ZNF516: variants seen among roughly 807,000 people sequenced by gnomAD.
ZNF516 encodes zinc finger protein 516.
A neutral mutation model predicts 79.7 loss-of-function variants in ZNF516; 19 were observed. The observed-to-expected ratio is 0.24, with a 90% confidence interval of 0.17 to 0.35. The LOEUF (loss-of-function observed/expected upper bound fraction) is 0.35, where lower values mean the gene tolerates loss of function less well. ZNF516 is among the 10% of genes least tolerant of loss of function. The pLI, the probability that ZNF516 is intolerant of heterozygous loss-of-function variation, is 1.00. For missense variants in ZNF516, 1,678 were observed against 1,679.5 expected (o/e 1.00, Z 0.02); for synonymous variants, 877 against 739.5 (o/e 1.19, Z -3.02).
intron 3 of ZNF516, among the ~76,000 whole-genome samples, chr18:76,396,810 G>A (rs1302284255): frequency 2.0e-5 from 3 of 152,306 alleles, no homozygotes; most frequent in Middle Eastern, 3.4e-3. Context: ...GTGAGAGGCC[G>A]GAGCACCGCT....
chr18:76,444,612 G>A (rs1012471778), intron 2 of ZNF516, among the ~76,000 whole-genome samples: 2 of 152,148 alleles, frequency 1.3e-5, no homozygotes, highest in African/African-American at 4.8e-5. Context: ...TGTTTGCTCC[G>A]AGTTTTGCAG....
chr18:76,482,521 T>G (rs1251266614), intron 1 of ZNF516, among the ~76,000 whole-genome samples: 1 of 152,234 alleles, frequency 6.6e-6, no homozygotes, highest in East Asian at 1.9e-4. Context: ...CAGGTGCTCC[T>G]GCCCAACTGT....
chr18:76,493,106 T>C lies in ZNF516; in HGVS notation c.-272+2038A>G. ...TCGCAAAGCTGTTTCCTTTTTTTTT[T>C]TTCCTCCTCTCCTCCCTACCGTTTC... On this transcript the variant is annotated intron_variant, in intron 1 of 6. Coordinates refer to ENST00000443185, the MANE Select transcript of ZNF516 (RefSeq NM_014643.4). This position sits in a 1 kb window ranked among gnomAD's most constrained non-coding sequence, Gnocchi z 5.2. The C allele has an allele frequency of 1.0e-6, 1 of 984,938 alleles. No individual in the cohort carries two copies. The highest frequency in any genetic ancestry group is 1.1e-4 in the East Asian group (1 of 8,814). 61.0% of individuals were successfully genotyped at this position (984,938 alleles called of 1,614,324 possible). A position where few individuals can be genotyped will look rare whatever the true frequency, so the allele number is the denominator to read the frequency against.
At chr18:76,408,443 G>A (rs180948943) in intron 3 of ZNF516, among the ~76,000 whole-genome samples, 15 of 152,300 alleles carry the variant, frequency 9.8e-5, no homozygotes, top group Admixed American at 9.2e-4. Flanking sequence ...AGGGAAAATA[G>A]CAAAAATTAA....
intron 6 of ZNF516, among the ~76,000 whole-genome samples, chr18:76,367,207 C>G (rs1217213022): frequency 6.6e-6 from 1 of 152,202 alleles, no homozygotes; most frequent in African/African-American, 2.4e-5. Context: ...TCCTGTCCCT[C>G]ACTTTCCAAG....
intron 3 of ZNF516, among the ~76,000 whole-genome samples, chr18:76,399,510 C>T (rs1468036638): frequency 6.6e-6 from 1 of 152,218 alleles, no homozygotes; most frequent in African/African-American, 2.4e-5. Flanking sequence ...AAAACTTACT[C>T]AAATGTAATG....
At chr18:76,481,341 C>G (rs77372801) in intron 1 of ZNF516, among the ~76,000 whole-genome samples, 1,818 of 152,334 alleles carry the variant, frequency 0.012, 39 homozygotes, top group African/African-American at 0.042. Flanking sequence ...AAGAGGCAGA[C>G]AGCCTGTCCC....
intron 2 of ZNF516, among the ~76,000 whole-genome samples, chr18:76,445,673 A>G (rs1386681114): frequency 6.6e-6 from 1 of 152,090 alleles, no homozygotes; most frequent in Non-Finnish European, 1.5e-5. Flanking sequence ...ACTCCCCTGG[A>G]CCTCCAACGT....
Position 76,379,333 on chromosome 18 carries a change from CCTG to C in ZNF516, c.2778_2780del (p.Ser926del), listed in dbSNP as rs1568239796. Reference sequence around the variant, plus strand: ...TGACGGTGGGCGTAGGGGTGGCGCTCCTGCTGAAGCCCCCGCCACCCGGGGCAG... The same window carrying C: ...TGACGGTGGGCGTAGGGGTGGCGCTCCTGAAGCCCCCGCCACCCGGGGCAG... On this transcript the variant is annotated inframe_deletion, in exon 4 of 7. Transcript: ENST00000443185. The C allele has an allele frequency of 1.9e-6, 3 of 1,594,562 alleles. No individual in the cohort carries two copies. Among genetic ancestry groups the C allele is most frequent in the Non-Finnish European group, 2.6e-6 (3 of 1,169,934 alleles).
At chr18:76,409,097 C>T (rs977711317) in intron 3 of ZNF516, among the ~76,000 whole-genome samples, 1 of 152,086 alleles carries the variant, frequency 6.6e-6, no homozygotes, top group Admixed American at 6.5e-5. Context: ...TATATAAAAT[C>T]TCCCTAATAT....
At chr18:76,394,875 CAGGAG>C (rs1286324174) in intron 3 of ZNF516, among the ~76,000 whole-genome samples, 2 of 151,918 alleles carry the variant, frequency 1.3e-5, no homozygotes, top group Non-Finnish European at 2.9e-5. Flanking sequence ...ACACAGCCTC[CAGGAG>C]AGTGCTGTCC....
intron 3 of ZNF516, among the ~76,000 whole-genome samples, chr18:76,439,932 G>A (rs768308056): frequency 2.6e-4 from 39 of 151,364 alleles, no homozygotes; most frequent in Non-Finnish European, 4.0e-4. Context: ...GGGTCAACCC[G>A]GTTTCACATG....
intron 3 of ZNF516, among the ~76,000 whole-genome samples, chr18:76,421,873 G>A (rs566130811): frequency 3.2e-4 from 49 of 152,314 alleles, no homozygotes; most frequent in African/African-American, 1.1e-3. Context: ...ACAGCGGGCC[G>A]GGTCTGGTGC....
chr18:76,435,243 G>A (rs1292178596), intron 3 of ZNF516, among the ~76,000 whole-genome samples: 3 of 152,174 alleles, frequency 2.0e-5, no homozygotes, highest in Non-Finnish European at 4.4e-5. Context: ...ATTTCTCAGT[G>A]GCGGGAAGAA....
At chr18:76,364,558 A>T (rs1164201038) in intron 6 of ZNF516, among the ~76,000 whole-genome samples, 1 of 152,138 alleles carries the variant, frequency 6.6e-6, no homozygotes, top group Non-Finnish European at 1.5e-5. Context: ...TCTTGAAGGT[A>T]TTTCAGTGTT....
rs991993035 is a variant in ZNF516, at chr18:76,361,086, C to A, written c.*1412G>T. 4 of 151,676 alleles carry A rather than the reference C, an allele frequency of 2.6e-5. No homozygotes were observed. The highest frequency in any genetic ancestry group is 5.9e-5 in the Non-Finnish European group (4 of 67,960). The allele number at this position is 151,676 out of a possible 1,614,324, so 9.4% of individuals were successfully genotyped here. ...CGTTTTAATCCATTTCCTGCCTTTA[C>A]AAAATTTCACAATTAAAAAAAAACC... On this transcript the variant is annotated 3_prime_UTR_variant, in exon 7 of 7. Coordinates refer to ENST00000443185, the MANE Select transcript of ZNF516 (RefSeq NM_014643.4).
At chr18:76,438,710 A>C (rs1016086323) in intron 3 of ZNF516, among the ~76,000 whole-genome samples, 4 of 152,210 alleles carry the variant, frequency 2.6e-5, no homozygotes, top group African/African-American at 9.6e-5. Context: ...AGTTTCTTTC[A>C]CTTAATCTAA....
intron 6 of ZNF516, among the ~76,000 whole-genome samples, chr18:76,364,218 C>T (rs2074581436): frequency 6.6e-6 from 1 of 152,224 alleles, no homozygotes; most frequent in South Asian, 2.1e-4. Flanking sequence ...CGCCCATTTT[C>T]TCTTCATAAC....
At chr18:76,412,576 T>C (rs1051472618) in intron 3 of ZNF516, among the ~76,000 whole-genome samples, 20 of 152,120 alleles carry the variant, frequency 1.3e-4, no homozygotes, top group Admixed American at 9.8e-4. Context: ...ACCTCATTTC[T>C]TCCTCAAGGA....
Sources: gnomAD v4.1 joint callset for allele counts (sites outside exome capture counted in the v4.1 genomes callset) on GRCh38, gnomAD v4.1.1 for gene constraint, Gnocchi (gnomAD v3.1) non-coding constraint, MANE v1.5 for transcripts, NCBI Gene and HGNC (gene_info 2026-07-23, HGNC 2026-07-21) for gene names.